Variants in ALPK1 observed in about 807,000 individuals in gnomAD.
The protein encoded by ALPK1 is alpha kinase 1.
A neutral mutation model predicts 120.6 loss-of-function variants in ALPK1; 110 were observed. That is an observed-to-expected ratio of 0.91 (90% CI 0.78 to 1.07). ALPK1 has a LOEUF of 1.07. Among genes scored for constraint, ALPK1 ranks in the 50% least tolerant of loss-of-function variants. ALPK1 has a pLI of 0.00. For missense variants in ALPK1, 1,498 were observed against 1,483.9 expected, an observed-to-expected ratio of 1.01 and a Z score of -0.16; for synonymous variants, 582 against 560.3, an observed-to-expected ratio of 1.04 and a Z score of -0.55.
At chr4:112,394,162 T>C (rs1578531389) in intron 4 of ALPK1, among the ~76,000 whole-genome samples, 1 of 152,172 alleles carries the variant, frequency 6.6e-6, no homozygotes, top group Admixed American at 6.5e-5. Flanking sequence ...TACTCCTAAA[T>C]GTGGGGTTTT....
chr4:112,309,792 C>A (rs908662123), intron 1 of ALPK1, among the ~76,000 whole-genome samples: 1 of 151,980 alleles, frequency 6.6e-6, no homozygotes, highest in African/African-American at 2.4e-5. Context: ...TGTTGCAAGA[C>A]CATTTCCTTC....
At chr4:112,428,132 A>G (rs2351757) in intron 9 of ALPK1, 47,217 of 156,338 alleles carry the variant, frequency 0.3, 7,661 homozygotes, top group East Asian at 0.63. Flanking sequence ...AAGAAAGTAT[A>G]TATATATCCA....
intron 4 of ALPK1, among the ~76,000 whole-genome samples, chr4:112,403,943 G>A (rs1382365036): frequency 1.3e-5 from 2 of 152,208 alleles, no homozygotes; most frequent in East Asian, 1.9e-4. Context: ...GGTGTTTGCA[G>A]CATCAGTTTA....
At chr4:112,376,659 CTTTAAT>C (rs1374228118) in intron 2 of ALPK1, among the ~76,000 whole-genome samples, 4 of 152,302 alleles carry the variant, frequency 2.6e-5, no homozygotes, top group Non-Finnish European at 5.9e-5. Context: ...TAATTCACTG[CTTTAAT>C]ATTTTCAATG....
chr4:112,362,663 A>G (rs1730963662), intron 2 of ALPK1, among the ~76,000 whole-genome samples: 2 of 152,230 alleles, frequency 1.3e-5, no homozygotes, highest in Non-Finnish European at 2.9e-5. Flanking sequence ...AAACACATTT[A>G]AGGGAATAAT....
chr4:112,438,426 C>G, intron 12 of ALPK1, 58 bp from the exon 13 acceptor site: 1 of 1,552,796 alleles, frequency 6.4e-7, no homozygotes, highest in Non-Finnish European at 8.8e-7. Context: ...CTCTCTCTTA[C>G]TCCATAGTAA....
At chr4:112,407,857 C>T (rs1461481091) in intron 4 of ALPK1, among the ~76,000 whole-genome samples, 1 of 152,068 alleles carries the variant, frequency 6.6e-6, no homozygotes, top group Non-Finnish European at 1.5e-5. Context: ...GCCTGTAATC[C>T]AGCACTTTGG....
chr4:112,436,786 T>C (rs1316704801), intron 12 of ALPK1, among the ~76,000 whole-genome samples: 1 of 152,174 alleles, frequency 6.6e-6, no homozygotes. Flanking sequence ...ACCCAGTTTA[T>C]GGCATGTTGT....
At position 112,298,779 on chromosome 4, in the gene ALPK1, T is replaced by C. The variant is rs566326926; in HGVS notation, c.-153+1310T>C. ...ACAATACCTCCCAGCAAGTGCCATG[T>C]GATCTAGGTTTGGATTTAGAGCCTG... On this transcript the variant is annotated intron_variant, in intron 1 of 15. Coordinates refer to ENST00000650871, the MANE Select transcript of ALPK1 (RefSeq NM_025144.4). Among the ~76,000 whole-genome samples the C allele has an allele frequency of 9.8e-5, 15 of 152,334 alleles. No individual in the cohort carries two copies. The East Asian group carries it at 2.9e-3, about 29-fold the overall frequency.
chr4:112,323,193 T>G (rs1728937491), intron 2 of ALPK1, among the ~76,000 whole-genome samples: 1 of 152,244 alleles, frequency 6.6e-6, no homozygotes, highest in Non-Finnish European at 1.5e-5. Flanking sequence ...CCTACCCATC[T>G]TTCAATGTCC....
intron 2 of ALPK1, among the ~76,000 whole-genome samples, chr4:112,349,240 T>C (rs1477060298): frequency 6.6e-6 from 1 of 152,194 alleles, no homozygotes; most frequent in East Asian, 1.9e-4. Context: ...CATCAACTTA[T>C]TATTACGTGA....
intron 2 of ALPK1, among the ~76,000 whole-genome samples, chr4:112,370,579 A>G (rs1040189266): frequency 1.3e-5 from 2 of 152,232 alleles, no homozygotes; most frequent in African/African-American, 4.8e-5. Flanking sequence ...ATTCCTTTAT[A>G]AATGAAGTTG....
intron 2 of ALPK1, chr4:112,359,064 G>C: frequency 1.3e-6 from 1 of 756,050 alleles, no homozygotes; most frequent in East Asian, 2.5e-5. Flanking sequence ...GACACAGCCA[G>C]CCCTGGACCC....
At chr4:112,373,872 A>G (rs983946722) in intron 2 of ALPK1, among the ~76,000 whole-genome samples, 1 of 152,238 alleles carries the variant, frequency 6.6e-6, no homozygotes, top group African/African-American at 2.4e-5. Context: ...TTAATTAAGA[A>G]ATGCTTTATT....
At chr4:112,393,295 A>G (rs1732506365) in intron 4 of ALPK1, among the ~76,000 whole-genome samples, 1 of 152,208 alleles carries the variant, frequency 6.6e-6, no homozygotes, top group Admixed American at 6.5e-5. Context: ...TCTCCACAAT[A>G]CAACTGAAGC....
chr4:112,377,077 T>C (rs1299470036), intron 2 of ALPK1, among the ~76,000 whole-genome samples: 1 of 152,214 alleles, frequency 6.6e-6, no homozygotes, highest in Non-Finnish European at 1.5e-5. Context: ...AGTAGATCCA[T>C]ATGACAGATC....
chr4:112,313,058 G>A (rs1261193117), intron 1 of ALPK1, among the ~76,000 whole-genome samples: 2 of 152,106 alleles, frequency 1.3e-5, no homozygotes, highest in African/African-American at 4.8e-5. Context: ...GGCCAACCAG[G>A]GGTTCAATGT....
intron 1 of ALPK1, among the ~76,000 whole-genome samples, chr4:112,301,192 G>A (rs887319552): frequency 3.3e-5 from 5 of 151,960 alleles, no homozygotes; most frequent in African/African-American, 1.2e-4. Flanking sequence ...TCTTCCCTGA[G>A]GTCATGCCCC....
intron 5 of ALPK1, among the ~76,000 whole-genome samples, chr4:112,421,323 A>G (rs1578558922): frequency 6.6e-6 from 1 of 152,292 alleles, no homozygotes; most frequent in African/African-American, 2.4e-5. Context: ...TTTGAATGCT[A>G]CTTTGGGCTA....
Sources: allele counts gnomAD v4.1 joint callset (sites outside exome capture counted in the v4.1 genomes callset), GRCh38; gene constraint gnomAD v4.1.1; transcripts MANE v1.5; gene names NCBI Gene and HGNC (gene_info 2026-07-23, HGNC 2026-07-21).